The following DOCK3 variants were observed in gnomAD, a reference collection of about 807,000 sequenced individuals.
DOCK3 encodes the protein dedicator of cytokinesis 3.
A neutral mutation model predicts 265.6 loss-of-function variants in DOCK3; 60 were observed. The observed-to-expected ratio is 0.23, with a 90% CI of 0.18 to 0.28. The LOEUF (loss-of-function observed/expected upper bound fraction) is 0.28. DOCK3 is among the 10% of genes least tolerant of loss of function. The pLI is 1.00. For missense variants in DOCK3, 1,981 were observed against 2,594.3 expected, an observed-to-expected ratio of 0.76 and a Z score of 5.14; for synonymous variants, 881 against 938.0, an observed-to-expected ratio of 0.94 and a Z score of 1.11.
chr3:51,378,523 C>T (rs1395381177), intron 51 of DOCK3, among the ~76,000 whole-genome samples: 1 of 152,246 alleles, frequency 6.6e-6, no homozygotes, highest in African/African-American at 2.4e-5. Flanking sequence ...GTAGCTACCA[C>T]GGCCTTAGAA....
chr3:51,205,569 G>A (rs1397632717), intron 12 of DOCK3, among the ~76,000 whole-genome samples: 1 of 151,956 alleles, frequency 6.6e-6, no homozygotes, highest in Non-Finnish European at 1.5e-5. Context: ...CGGCATGGTG[G>A]TGTGTGCCTG....
At chr3:51,294,639 C>T (rs979787496) in intron 27 of DOCK3, among the ~76,000 whole-genome samples, 7 of 148,278 alleles carry the variant, frequency 4.7e-5, no homozygotes, top group African/African-American at 7.5e-5. Flanking sequence ...GATCGCGCCA[C>T]TGCACTCCAG....
At chr3:51,311,321 G>A (rs1383162040) in intron 28 of DOCK3, among the ~76,000 whole-genome samples, 1 of 152,186 alleles carries the variant, frequency 6.6e-6, no homozygotes, top group Non-Finnish European at 1.5e-5. Context: ...TTAGATGTAA[G>A]TCTCTTTGCC....
chr3:50,999,086 G>T (rs942499680), intron 5 of DOCK3, among the ~76,000 whole-genome samples: 2 of 152,094 alleles, frequency 1.3e-5, no homozygotes, highest in African/African-American at 2.4e-5. Context: ...AGCATTTATT[G>T]CTATCAGTGA....
At chr3:51,293,054 A>G (rs983976739) in intron 27 of DOCK3, among the ~76,000 whole-genome samples, 1 of 152,216 alleles carries the variant, frequency 6.6e-6, no homozygotes, top group Non-Finnish European at 1.5e-5. Flanking sequence ...TAATCCCTAA[A>G]GCAATCTACA....
chr3:51,317,764 TATAA>T (rs2083455502), intron 32 of DOCK3, among the ~76,000 whole-genome samples: 1 of 151,920 alleles, frequency 6.6e-6, no homozygotes, highest in Non-Finnish European at 1.5e-5. Flanking sequence ...TATTGTACTC[TATAA>T]ATAGATATAA....
intron 9 of DOCK3, among the ~76,000 whole-genome samples, chr3:51,131,330 G>A (rs1024882719): frequency 2.6e-5 from 4 of 152,134 alleles, no homozygotes; most frequent in African/African-American, 9.7e-5. Flanking sequence ...CCAGTGTCTA[G>A]TAGTACCCAA....
chr3:51,362,465 G>T (rs991642503), intron 48 of DOCK3, 62 bp from the exon 49 acceptor site: 1 of 1,607,436 alleles, frequency 6.2e-7, no homozygotes, highest in Non-Finnish European at 8.5e-7. Flanking sequence ...AGCAAACTCT[G>T]TGCCAGCCCT....
chr3:51,265,930 T>A (rs1225674426), intron 23 of DOCK3, among the ~76,000 whole-genome samples: 13 of 152,138 alleles, frequency 8.5e-5, no homozygotes, highest in Admixed American at 8.5e-4. Flanking sequence ...GATGACATGA[T>A]TATATATTTA....
At chr3:51,341,518 G>T in intron 38 of DOCK3, 133 bp downstream of exon 38, 2 of 1,285,088 alleles carry the variant, frequency 1.6e-6, no homozygotes, top group Non-Finnish European at 2.2e-6. Flanking sequence ...CTATCTATGT[G>T]CCTAAGATGT....
chr3:50,886,210 T>C (rs1010526282), intron 3 of DOCK3, among the ~76,000 whole-genome samples: 2 of 127,938 alleles, frequency 1.6e-5, no homozygotes, highest in African/African-American at 5.4e-5. Flanking sequence ...ATATATATAT[T>C]CCAGAGTTTT....
chr3:51,079,334 TTTTG>T (rs1372517770), intron 7 of DOCK3, among the ~76,000 whole-genome samples: 5 of 152,074 alleles, frequency 3.3e-5, no homozygotes, highest in Non-Finnish European at 4.4e-5. Flanking sequence ...GTTTGTTTTA[TTTTG>T]TTTGTTTGTT....
At chr3:51,261,044 A>G (rs962272436) in intron 23 of DOCK3, among the ~76,000 whole-genome samples, 10 of 152,234 alleles carry the variant, frequency 6.6e-5, no homozygotes, top group African/African-American at 2.2e-4. Flanking sequence ...CAGAAGTTGA[A>G]TGAAATAATT....
chr3:50,740,340 A>G (rs1393715637), intron 1 of DOCK3, among the ~76,000 whole-genome samples: 5 of 152,162 alleles, frequency 3.3e-5, no homozygotes, highest in East Asian at 1.9e-4. Context: ...CCATGAATCA[A>G]TCTTGGTATC....
chr3:51,253,491 T>C (rs1465005804), intron 22 of DOCK3, among the ~76,000 whole-genome samples: 1 of 152,186 alleles, frequency 6.6e-6, no homozygotes, highest in Non-Finnish European at 1.5e-5. Context: ...ATACGTCTAG[T>C]CCTGGACTTT....
intron 6 of DOCK3, among the ~76,000 whole-genome samples, chr3:51,071,120 A>G (rs140798057): frequency 1.3e-5 from 2 of 152,346 alleles, no homozygotes; most frequent in Admixed American, 1.3e-4. Context: ...AAGATAAAAT[A>G]GAACATAGAA....
At chr3:50,862,173 T>C (rs545335107) in intron 3 of DOCK3, among the ~76,000 whole-genome samples, 4 of 152,224 alleles carry the variant, frequency 2.6e-5, no homozygotes, top group Non-Finnish European at 5.9e-5. Flanking sequence ...TTTGGCTTAG[T>C]TCCTGGGTGC....
chr3:50,941,782 C>T (rs553845670), intron 5 of DOCK3, among the ~76,000 whole-genome samples: 1 of 152,016 alleles, frequency 6.6e-6, no homozygotes, highest in Non-Finnish European at 1.5e-5. Flanking sequence ...CATGATGCTA[C>T]TTAAAAAAAT....
chr3:50,882,722 G>C (rs561563278), intron 3 of DOCK3, among the ~76,000 whole-genome samples: 2 of 152,112 alleles, frequency 1.3e-5, no homozygotes, highest in African/African-American at 4.8e-5. Flanking sequence ...TTCCTCAGGG[G>C]TCTAGAACTA....
Sources: gnomAD v4.1 joint callset for allele counts (sites outside exome capture counted in the v4.1 genomes callset) on GRCh38, gnomAD v4.1.1 for gene constraint, MANE v1.5 for transcripts, NCBI Gene and HGNC (gene_info 2026-07-23, HGNC 2026-07-21) for gene names.